The following C8orf34 variants were observed in gnomAD, a reference collection of about 807,000 sequenced individuals.
C8orf34 encodes chromosome 8 open reading frame 34.
Under a neutral mutation model 68.3 loss-of-function variants are expected in C8orf34, and 65 were observed. The observed-to-expected ratio is 0.95, with a 90% CI of 0.78 to 1.17. The LOEUF (loss-of-function observed/expected upper bound fraction) is 1.17, where lower values mean the gene tolerates loss of function less well. Among genes scored for constraint, C8orf34 ranks in the 50% most tolerant of loss-of-function variants. The pLI, the probability that C8orf34 is intolerant of heterozygous loss-of-function variation, is 0.00. For synonymous variants in C8orf34, 244 were observed against 241.2 expected, an observed-to-expected ratio of 1.01 and a Z score of -0.11; for missense variants, 664 against 655.4, an observed-to-expected ratio of 1.01 and a Z score of -0.14.
At chr8:68,746,627 A>T (rs939688996) in intron 10 of C8orf34, among the ~76,000 whole-genome samples, 3 of 149,064 alleles carry the variant, frequency 2.0e-5, no homozygotes, top group African/African-American at 7.5e-5. Flanking sequence ...TAAACTAGAA[A>T]ATCTAGAAGA....
intron 1 of C8orf34, among the ~76,000 whole-genome samples, chr8:68,379,322 T>G (rs543866191): frequency 5.3e-4 from 81 of 152,332 alleles, no homozygotes; most frequent in African/African-American, 1.8e-3. Flanking sequence ...ACTTCCTTCC[T>G]GGTGGCAAGA....
chr8:68,533,492 T>A lies in C8orf34; in HGVS notation c.1105+343T>A, dbSNP rs1228627788. The A allele has an allele frequency of 4.0e-6, 4 of 1,001,374 alleles. No individual in the cohort carries two copies. The African/African-American group carries it at 6.9e-5, about 17-fold the overall frequency. 62.0% of individuals were successfully genotyped at this position (1,001,374 alleles called of 1,614,324 possible). ...ATAATTGCCTTGTTTACATCTATTG[T>A]CTATAAAATATACCCAAAGTACATA... On this transcript the variant is annotated intron_variant, in intron 7 of 13. Transcript: ENST00000518698.
intron 7 of C8orf34, among the ~76,000 whole-genome samples, chr8:68,598,747 C>T (rs917648561): frequency 6.6e-6 from 1 of 151,956 alleles, no homozygotes; most frequent in Non-Finnish European, 1.5e-5. Flanking sequence ...TTTGTCAGTT[C>T]TCTTTCAGGA....
intron 10 of C8orf34, among the ~76,000 whole-genome samples, chr8:68,728,046 A>C (rs1821882205): frequency 6.6e-6 from 1 of 152,180 alleles, no homozygotes; most frequent in Non-Finnish European, 1.5e-5. Flanking sequence ...AAATTTTCCA[A>C]ACTTCTATGC....
chr8:68,396,846 T>G (rs1341577090), intron 1 of C8orf34, among the ~76,000 whole-genome samples: 1 of 151,138 alleles, frequency 6.6e-6, no homozygotes, highest in Non-Finnish European at 1.5e-5. Flanking sequence ...CTTGAGGCCT[T>G]CATGAGAAGC....
chr8:68,442,757 G>A (rs1485618908), intron 2 of C8orf34, among the ~76,000 whole-genome samples: 2 of 152,166 alleles, frequency 1.3e-5, no homozygotes, highest in East Asian at 1.9e-4. Context: ...TCAGGGAAAC[G>A]AAGCTCTTCA....
intron 1 of C8orf34, among the ~76,000 whole-genome samples, chr8:68,360,382 G>A (rs1306408798): frequency 6.6e-6 from 1 of 152,106 alleles, no homozygotes; most frequent in East Asian, 1.9e-4. Flanking sequence ...CACTTCCTGT[G>A]GCTATACTTT....
chr8:68,603,310 T>C (rs1036546712), intron 7 of C8orf34, among the ~76,000 whole-genome samples: 37 of 152,208 alleles, frequency 2.4e-4, no homozygotes, highest in Non-Finnish European at 2.9e-4. Flanking sequence ...CCTATCACCC[T>C]GACAACTAAA....
intron 1 of C8orf34, among the ~76,000 whole-genome samples, chr8:68,386,101 C>T (rs80292948): frequency 0.027 from 4,160 of 152,156 alleles, 72 homozygotes; most frequent in Middle Eastern, 0.065. Flanking sequence ...GAGATGAGGT[C>T]TTGTTGTGTT....
chr8:68,612,095 A>C (rs1364582865), intron 7 of C8orf34, among the ~76,000 whole-genome samples: 2 of 152,030 alleles, frequency 1.3e-5, no homozygotes. Context: ...GGATGATGGA[A>C]CGCTCTTCCC....
chr8:68,398,902 T>G (rs1391320781), intron 1 of C8orf34, among the ~76,000 whole-genome samples: 2 of 152,168 alleles, frequency 1.3e-5, no homozygotes, highest in Non-Finnish European at 1.5e-5. Flanking sequence ...GGCTGTCTCA[T>G]GGGTGTGTGA....
intron 12 of C8orf34, among the ~76,000 whole-genome samples, chr8:68,805,247 T>A (rs1273014568): frequency 6.6e-6 from 1 of 152,222 alleles, no homozygotes; most frequent in Admixed American, 6.5e-5. Flanking sequence ...ATCCAGTAAA[T>A]GACCAGCTTT....
At chr8:68,766,458 A>G (rs1168771579) in intron 10 of C8orf34, among the ~76,000 whole-genome samples, 1 of 152,246 alleles carries the variant, frequency 6.6e-6, no homozygotes, top group Non-Finnish European at 1.5e-5. Context: ...ATGGAGGAGA[A>G]TTTAAAGGCT....
Position 68,768,054 on chromosome 8 carries a change from A to G in C8orf34, c.1405-8345A>G, listed in dbSNP as rs571046822. ...TATTTATGAGTGTTCAAGACAATGAATCATTTCTCTAATAGCTCCTGAAGA... is the reference window on the plus strand; with the variant it reads ...TATTTATGAGTGTTCAAGACAATGAGTCATTTCTCTAATAGCTCCTGAAGA... On this transcript the variant is annotated intron_variant, in intron 10 of 13. Coordinates refer to ENST00000518698, the MANE Select transcript of C8orf34 (RefSeq NM_052958.4). 2.6e-5 allele frequency among the ~76,000 whole-genome samples: 4 copies of G among 152,342 alleles called. No individual in the cohort carries two copies. The South Asian group carries it at 8.3e-4, about 32-fold the overall frequency.
intron 1 of C8orf34, among the ~76,000 whole-genome samples, chr8:68,350,415 G>T (rs922975792): frequency 2.0e-4 from 31 of 151,656 alleles, no homozygotes; most frequent in African/African-American, 7.3e-4. Flanking sequence ...CTGTTGTTTG[G>T]GTGTGAACAC....
chr8:68,611,574 A>T (rs950827312), intron 7 of C8orf34, among the ~76,000 whole-genome samples: 6 of 151,942 alleles, frequency 3.9e-5, no homozygotes, highest in Non-Finnish European at 8.8e-5. Context: ...AAGAAAAACC[A>T]CTCCTTGTAG....
chr8:68,510,535 A>G (rs1210340234), intron 5 of C8orf34, among the ~76,000 whole-genome samples: 1 of 152,238 alleles, frequency 6.6e-6, no homozygotes, highest in African/African-American at 2.4e-5. Flanking sequence ...TCTAAAATGT[A>G]GGCAAAAACT....
rs1368432716 is a variant in C8orf34, at chr8:68,794,476, AATATAAATATATATAT to A, written c.1549+6946_1549+6961del. On this transcript the variant is annotated intron_variant, in intron 12 of 13. Transcript: ENST00000518698. ...CATGAATCATTGTGCCCAGTATATA[AATATAAATATATATAT>A]ATATATATATATATTTTTTTTTTTT... Among the ~76,000 whole-genome samples the A allele has an allele frequency of 4.6e-4, 51 of 111,634 alleles. 1 individual carries two copies. The highest frequency in any genetic ancestry group is 1.8e-3 in the South Asian group (7 of 3,910). 73.2% of individuals were successfully genotyped at this position (111,634 alleles called of 152,430 possible).
At chr8:68,609,724 A>G (rs1052480788) in intron 7 of C8orf34, among the ~76,000 whole-genome samples, 6 of 152,192 alleles carry the variant, frequency 3.9e-5, no homozygotes, top group Non-Finnish European at 8.8e-5. Flanking sequence ...TGACTTTTCC[A>G]GGGAAAATGC....
Sources: allele counts gnomAD v4.1 joint callset (sites outside exome capture counted in the v4.1 genomes callset), GRCh38; gene constraint gnomAD v4.1.1; transcripts MANE v1.5; gene names NCBI Gene and HGNC (gene_info 2026-07-23, HGNC 2026-07-21).